CPEB3: variants seen among roughly 807,000 people sequenced by gnomAD.
The protein encoded by CPEB3 is cytoplasmic polyadenylation element-binding protein 3.
In CPEB3, 20 loss-of-function variants were observed where a neutral mutation model predicts 67.2. That is an observed-to-expected ratio of 0.30 (90% CI 0.21 to 0.43). The LOEUF (loss-of-function observed/expected upper bound fraction) is 0.43. CPEB3 is among the 20% of genes least tolerant of loss of function. The pLI, the probability that CPEB3 is intolerant of heterozygous loss-of-function variation, is 1.00. For missense variants in CPEB3, 746 were observed against 968.6 expected (o/e 0.77, Z 3.05); for synonymous variants, 376 against 393.1 (o/e 0.96, Z 0.51).
At chr10:92,055,152 G>A (rs1055131151) in intron 9 of CPEB3, among the ~76,000 whole-genome samples, 5 of 152,228 alleles carry the variant, frequency 3.3e-5, no homozygotes, top group African/African-American at 9.6e-5. Context: ...GTAAGGTCAT[G>A]TAATACATTT....
At chr10:92,206,076 CTTT>C (rs575156457) in intron 2 of CPEB3, among the ~76,000 whole-genome samples, 8 of 139,212 alleles carry the variant, frequency 5.7e-5, no homozygotes, top group Admixed American at 7.2e-5. Context: ...CCAGTAAATA[CTTT>C]TTTTTTTTTT....
chr10:92,226,548 T>C (rs1401692589), intron 2 of CPEB3, among the ~76,000 whole-genome samples: 2 of 152,248 alleles, frequency 1.3e-5, no homozygotes, highest in African/African-American at 4.8e-5. Context: ...ATTTACCATG[T>C]GCCCAAAATA....
intron 9 of CPEB3, among the ~76,000 whole-genome samples, chr10:92,058,625 TAC>T (rs1009455064): frequency 1.3e-5 from 2 of 150,856 alleles, no homozygotes; most frequent in Non-Finnish European, 1.5e-5. Context: ...ATTATATATA[TAC>T]ACCCAACACT....
At chr10:92,248,757 C>T (rs1486046245) in intron 1 of CPEB3, among the ~76,000 whole-genome samples, 1 of 152,072 alleles carries the variant, frequency 6.6e-6, no homozygotes, top group African/African-American at 2.4e-5. Flanking sequence ...AGACACACAC[C>T]CCGCCCTTCC....
intron 4 of CPEB3, among the ~76,000 whole-genome samples, chr10:92,169,667 G>C (rs562484839): frequency 3.9e-5 from 6 of 152,220 alleles, no homozygotes; most frequent in Admixed American, 3.3e-4. Context: ...TATATTCCAT[G>C]GTAGGACCAT....
At chr10:92,232,038 A>T (rs1851294197) in intron 2 of CPEB3, among the ~76,000 whole-genome samples, 1 of 149,448 alleles carries the variant, frequency 6.7e-6, no homozygotes, top group African/African-American at 2.5e-5. Context: ...TTCATATTGC[A>T]GTAAACAAAG....
At chr10:92,192,908 G>T (rs1020293253) in intron 2 of CPEB3, among the ~76,000 whole-genome samples, 1 of 152,088 alleles carries the variant, frequency 6.6e-6, no homozygotes, top group Admixed American at 6.6e-5. Context: ...GTGAGCTACC[G>T]CGCTGATCCT....
intron 1 of CPEB3, among the ~76,000 whole-genome samples, chr10:92,271,295 AATCTT>A (rs1853298071): frequency 6.6e-6 from 1 of 152,220 alleles, no homozygotes; most frequent in Non-Finnish European, 1.5e-5. Flanking sequence ...AATGTTAACA[AATCTT>A]ATATTATCAT....
At chr10:92,196,584 T>C (rs935611488) in intron 2 of CPEB3, among the ~76,000 whole-genome samples, 6 of 151,944 alleles carry the variant, frequency 3.9e-5, no homozygotes, top group Admixed American at 1.3e-4. Flanking sequence ...CTGGCTAACA[T>C]AGTGAAACCC....
chr10:92,177,837 C>T (rs1848290987), intron 4 of CPEB3, among the ~76,000 whole-genome samples: 1 of 151,968 alleles, frequency 6.6e-6, no homozygotes, highest in African/African-American at 2.4e-5. Context: ...AGAACTGAGG[C>T]CATATCTTTA....
Position 92,050,509 on chromosome 10 carries a change from A to C in CPEB3, c.*1703T>G, listed in dbSNP as rs915990412. 6.6e-6 allele frequency: 1 copy of C among 152,628 alleles called. No individual in the cohort carries two copies. The highest frequency in any genetic ancestry group is 1.5e-5 in the Non-Finnish European group (1 of 68,064). 9.5% of individuals were successfully genotyped at this position (152,628 alleles called of 1,614,324 possible). ...TAAAAAAAGATTTACATAGTCTTGCAATCATTGTGTGTGTTTATATATTAC... is the reference window on the plus strand; with the variant it reads ...TAAAAAAAGATTTACATAGTCTTGCCATCATTGTGTGTGTTTATATATTAC... On this transcript the variant is annotated 3_prime_UTR_variant, in exon 10 of 10. Transcript: ENST00000265997.
intron 4 of CPEB3, among the ~76,000 whole-genome samples, chr10:92,148,152 G>A (rs1395696591): frequency 6.6e-6 from 1 of 152,110 alleles, no homozygotes; most frequent in Non-Finnish European, 1.5e-5. Context: ...AGCCCTCAAT[G>A]ATTTCCCATT....
chr10:92,126,908 G>A (rs1364563138), intron 6 of CPEB3, among the ~76,000 whole-genome samples: 1 of 152,172 alleles, frequency 6.6e-6, no homozygotes, highest in Non-Finnish European at 1.5e-5. Context: ...AAAATGTGGT[G>A]GGTTCTATTC....
chr10:92,161,120 C>T (rs1847453092), intron 4 of CPEB3, among the ~76,000 whole-genome samples: 1 of 152,144 alleles, frequency 6.6e-6, no homozygotes, highest in Admixed American at 6.5e-5. Context: ...GATCTGCCCA[C>T]CTTGGCCTCC....
At chr10:92,196,662 G>A (rs748458394) in intron 2 of CPEB3, among the ~76,000 whole-genome samples, 13 of 151,988 alleles carry the variant, frequency 8.6e-5, no homozygotes, top group Non-Finnish European at 1.3e-4. Context: ...CAACTACTCG[G>A]GAGGCTGAGG....
intron 6 of CPEB3, among the ~76,000 whole-genome samples, chr10:92,124,706 T>C (rs951585211): frequency 6.6e-6 from 1 of 152,112 alleles, no homozygotes; most frequent in Non-Finnish European, 1.5e-5. Context: ...ACTTGATCAG[T>C]TTACGTAACT....
chr10:92,120,119 C>CAAGCAAA (rs1275934165), intron 6 of CPEB3, among the ~76,000 whole-genome samples: 1 of 83,948 alleles, frequency 1.2e-5, no homozygotes, highest in Non-Finnish European at 2.1e-5. Context: ...AAAAAAAAAC[C>CAAGCAAA]AAATTGCTAC....
At chr10:92,232,757 C>CAAA (rs370945253) in intron 2 of CPEB3, among the ~76,000 whole-genome samples, 1 of 122,068 alleles carries the variant, frequency 8.2e-6, no homozygotes, top group African/African-American at 3.1e-5. Context: ...AACTCCATCT[C>CAAA]AAAAAAAAAA....
At chr10:92,244,462 G>C (rs918047406) in intron 1 of CPEB3, among the ~76,000 whole-genome samples, 1 of 150,834 alleles carries the variant, frequency 6.6e-6, no homozygotes, top group African/African-American at 2.4e-5. Flanking sequence ...TTTTGAGATG[G>C]AGTCTCTCTC....
Sources: gnomAD v4.1 joint callset for allele counts (sites outside exome capture counted in the v4.1 genomes callset) on GRCh38, gnomAD v4.1.1 for gene constraint, MANE v1.5 for transcripts, NCBI Gene and HGNC (gene_info 2026-07-23, HGNC 2026-07-21) for gene names.